Variants in RNGTT observed in about 807,000 individuals in gnomAD.
RNGTT encodes the protein mRNA-capping enzyme.
A neutral mutation model predicts 79.3 loss-of-function variants in RNGTT; 33 were observed. That is an observed-to-expected ratio of 0.42 (90% CI 0.32 to 0.56). The LOEUF is 0.56. RNGTT is among the 20% of genes least tolerant of loss of function. The pLI, the probability that RNGTT is intolerant of heterozygous loss-of-function variation, is 0.17. For missense variants in RNGTT, 497 were observed against 739.1 expected, an observed-to-expected ratio of 0.67 and a Z score of 3.80; for synonymous variants, 222 against 235.9, an observed-to-expected ratio of 0.94 and a Z score of 0.54.
At chr6:88,941,299 G>C in intron 1 of RNGTT, 119 bp from the exon 2 acceptor site, 1 of 655,440 alleles carries the variant, frequency 1.5e-6, no homozygotes. Flanking sequence ...ACCAAGTGTC[G>C]CTCTGTCCCC....
chr6:88,743,006 C>A (rs1181144802), intron 13 of RNGTT, among the ~76,000 whole-genome samples: 1 of 152,134 alleles, frequency 6.6e-6, no homozygotes, highest in Non-Finnish European at 1.5e-5. Flanking sequence ...GCTAGTCCTA[C>A]AATTTCCAAA....
intron 10 of RNGTT, among the ~76,000 whole-genome samples, chr6:88,845,971 G>T (rs1300024072): frequency 1.3e-5 from 2 of 151,224 alleles, no homozygotes; most frequent in Non-Finnish European, 2.9e-5. Context: ...TAAAATTAAA[G>T]TAGAATAAGT....
chr6:88,787,757 G>T (rs1206311820), intron 12 of RNGTT, among the ~76,000 whole-genome samples: 1 of 152,140 alleles, frequency 6.6e-6, no homozygotes, highest in Non-Finnish European at 1.5e-5. Flanking sequence ...GTTCCAGCAA[G>T]AGGCAATGAA....
chr6:88,630,039 C>T (rs1020203975), intron 14 of RNGTT, among the ~76,000 whole-genome samples: 6 of 152,286 alleles, frequency 3.9e-5, no homozygotes, highest in African/African-American at 1.4e-4. Context: ...AACCTTTAAG[C>T]AAGTACACCG....
At chr6:88,798,030 A>C (rs1779658002) in intron 12 of RNGTT, among the ~76,000 whole-genome samples, 1 of 151,718 alleles carries the variant, frequency 6.6e-6, no homozygotes, top group Non-Finnish European at 1.5e-5. Context: ...GTTTGGTAAG[A>C]GACTGTTCTA....
chr6:88,752,019 C>G (rs1033314561), intron 13 of RNGTT, among the ~76,000 whole-genome samples: 1 of 151,996 alleles, frequency 6.6e-6, no homozygotes, highest in Non-Finnish European at 1.5e-5. Context: ...ACCCTCCCCC[C>G]ATATTCTCTC....
At chr6:88,928,012 C>T (rs1449327594) in intron 4 of RNGTT, among the ~76,000 whole-genome samples, 1 of 151,740 alleles carries the variant, frequency 6.6e-6, no homozygotes, top group African/African-American at 2.4e-5. Flanking sequence ...CAAACCAAGC[C>T]TGGGCAACAT....
intron 11 of RNGTT, among the ~76,000 whole-genome samples, chr6:88,818,854 T>G (rs1374835618): frequency 1.3e-5 from 2 of 152,216 alleles, no homozygotes; most frequent in Non-Finnish European, 2.9e-5. Context: ...ATTATGTTTT[T>G]TCTATACAGA....
chr6:88,899,718 TA>T (rs750855421), intron 6 of RNGTT, among the ~76,000 whole-genome samples: 24 of 152,292 alleles, frequency 1.6e-4, no homozygotes, highest in Non-Finnish European at 3.5e-4. Flanking sequence ...AGAGGTGAGC[TA>T]GACATCTTCT....
chr6:88,837,893 G>GA (rs1781135825), intron 11 of RNGTT, among the ~76,000 whole-genome samples: 1 of 151,966 alleles, frequency 6.6e-6, no homozygotes, highest in Admixed American at 6.6e-5. Flanking sequence ...CAGGAAAAAA[G>GA]AATCCCCATA....
At position 88,930,557 on chromosome 6, in the gene RNGTT, A is replaced by G. The variant is rs979391985; in HGVS notation, c.175-1290T>C. Among the ~76,000 whole-genome samples, 15 of 152,132 alleles carry G rather than the reference A, an allele frequency of 9.9e-5. 1 individual carries two copies. Among genetic ancestry groups the G allele is most frequent in the Non-Finnish European group, 5.9e-5 (4 of 68,034 alleles). ...AAACAAGGTAAATTGTTTAAAAAAA[A>G]GTTTCATTTTCTGTAAAACGAACGC... On this transcript the variant is annotated intron_variant, in intron 2 of 15. Transcript: ENST00000369485.
chr6:88,835,864 G>C (rs1460533435), intron 11 of RNGTT, among the ~76,000 whole-genome samples: 2 of 151,682 alleles, frequency 1.3e-5, no homozygotes, highest in Non-Finnish European at 2.9e-5. Flanking sequence ...GCCAGGCACA[G>C]TGGTATACGC....
intron 14 of RNGTT, among the ~76,000 whole-genome samples, chr6:88,657,181 A>G (rs887473759): frequency 6.6e-6 from 1 of 152,134 alleles, no homozygotes; most frequent in Non-Finnish European, 1.5e-5. Context: ...TCCATGAGAC[A>G]GCCAAAAAAC....
At position 88,836,021 on chromosome 6, in the gene RNGTT, CACATAT is replaced by C. The variant is rs1346118396; in HGVS notation, c.1269+8330_1269+8335del. Among the ~76,000 whole-genome samples, 353 of 118,048 alleles carry C rather than the reference CACATAT, an allele frequency of 3.0e-3. 2 individuals carry two copies. Among genetic ancestry groups the C allele is most frequent in the African/African-American group, 0.01 (306 of 29,742 alleles). The allele number at this position is 118,048 out of a possible 152,430, so 77.4% of individuals were successfully genotyped here. ...ACACACACACACACACACACACACA[CACATAT>C]ATATATAAGATTTACATATATATAT... On this transcript the variant is annotated intron_variant, in intron 11 of 15. Transcript: ENST00000369485.
intron 14 of RNGTT, among the ~76,000 whole-genome samples, chr6:88,615,434 C>A (rs900166183): frequency 6.6e-6 from 1 of 152,088 alleles, no homozygotes; most frequent in Non-Finnish European, 1.5e-5. Flanking sequence ...TTTGATTGTA[C>A]CATCTGCATT....
chr6:88,638,648 TAAAAC>T lies in RNGTT; in HGVS notation c.1507-24258_1507-24254del, dbSNP rs555455085. ...ATCATGAATGTAACACATTAAGACA[TAAAAC>T]AAAAGATTCTAGAAAATAAAATATT... On this transcript the variant is annotated intron_variant, in intron 14 of 15. Coordinates refer to ENST00000369485, the MANE Select transcript of RNGTT (RefSeq NM_003800.5). Among the ~76,000 whole-genome samples the T allele has an allele frequency of 2.4e-3, 362 of 152,262 alleles. 1 individual carries two copies. Among genetic ancestry groups the T allele is most frequent in the African/African-American group, 8.2e-3 (343 of 41,584 alleles).
intron 14 of RNGTT, among the ~76,000 whole-genome samples, chr6:88,636,260 T>C (rs1773096359): frequency 6.6e-6 from 1 of 152,016 alleles, no homozygotes; most frequent in Admixed American, 6.6e-5. Flanking sequence ...GAAAACCAGT[T>C]TGGTTATAGC....
At chr6:88,958,104 GC>G (rs1157723959) in intron 1 of RNGTT, among the ~76,000 whole-genome samples, 2 of 152,256 alleles carry the variant, frequency 1.3e-5, no homozygotes, top group East Asian at 3.9e-4. Context: ...CTTTGACAAA[GC>G]AAACAAAAGC....
chr6:88,901,675 T>C (rs912336616), intron 6 of RNGTT, among the ~76,000 whole-genome samples: 3 of 151,654 alleles, frequency 2.0e-5, no homozygotes, highest in Non-Finnish European at 4.4e-5. Context: ...CCGAGCTAAT[T>C]TTTTTGTATT....
Sources: allele counts gnomAD v4.1 joint callset (sites outside exome capture counted in the v4.1 genomes callset), GRCh38; gene constraint gnomAD v4.1.1; transcripts MANE v1.5; gene names NCBI Gene and HGNC (gene_info 2026-07-23, HGNC 2026-07-21).